The following DNM3 variants were observed in gnomAD, a reference collection of about 807,000 sequenced individuals.
DNM3 encodes dynamin 3.
In DNM3, 47 loss-of-function variants were observed where a neutral mutation model predicts 101.6. The observed-to-expected ratio is 0.46, with a 90% CI of 0.37 to 0.59. The LOEUF is 0.59. Among genes scored for constraint, DNM3 ranks in the 20% least tolerant of loss-of-function variants. The pLI is 0.00. For missense variants in DNM3, 849 were observed against 1,085.7 expected, an observed-to-expected ratio of 0.78 and a Z score of 3.06; for synonymous variants, 385 against 387.9, an observed-to-expected ratio of 0.99 and a Z score of 0.09.
In DNM3 at chr1:172,118,102, A is replaced by G. The variant is rs142745231; in HGVS notation, c.1546-13073A>G. 7.5e-4 allele frequency among the ~76,000 whole-genome samples: 114 copies of G among 152,312 alleles called. 1 individual carries two copies. Among genetic ancestry groups the G allele is most frequent in the Admixed American group, 2.5e-3 (38 of 15,302 alleles). On this transcript the variant is annotated intron_variant, in intron 13 of 20. Coordinates refer to ENST00000627582, the MANE Select transcript of DNM3 (RefSeq NM_015569.5). Reference sequence around the variant, plus strand: ...CATCCTGCACTGCCAAAATCCACAGAACAATCAAAGGTGAGGAAGGAAGGT... The same window carrying G: ...CATCCTGCACTGCCAAAATCCACAGGACAATCAAAGGTGAGGAAGGAAGGT...
At chr1:172,186,584 C>T (rs2059533719) in intron 14 of DNM3, among the ~76,000 whole-genome samples, 2 of 152,034 alleles carry the variant, frequency 1.3e-5, no homozygotes, top group Admixed American at 6.6e-5. Flanking sequence ...GGTCCAGAAT[C>T]CAGGCATCTG....
At chr1:172,164,813 G>T (rs958202830) in intron 14 of DNM3, among the ~76,000 whole-genome samples, 4 of 152,146 alleles carry the variant, frequency 2.6e-5, no homozygotes, top group African/African-American at 9.6e-5. Context: ...TATGAGGAAG[G>T]TAGTGGGAGT....
At chr1:172,330,645 G>A (rs954697929) in intron 17 of DNM3, among the ~76,000 whole-genome samples, 2 of 152,048 alleles carry the variant, frequency 1.3e-5, no homozygotes, top group Admixed American at 1.3e-4. Context: ...TCATTTTTAT[G>A]TGATAACCAT....
chr1:172,262,813 CT>C (rs976170809), intron 15 of DNM3, among the ~76,000 whole-genome samples: 3 of 152,050 alleles, frequency 2.0e-5, no homozygotes, highest in African/African-American at 4.8e-5. Context: ...AGTGGATAGA[CT>C]TTTTTTAGTC....
chr1:172,332,580 A>T (rs1033453555), intron 17 of DNM3, among the ~76,000 whole-genome samples: 3 of 152,140 alleles, frequency 2.0e-5, no homozygotes, highest in African/African-American at 7.2e-5. Context: ...AAGTGCTAGG[A>T]TTATAGGCAT....
rs12037133 is a variant in DNM3 at position 171,980,859 on chromosome 1, G to C, written c.236-6797G>C. Among the ~76,000 whole-genome samples, 1,442 of 149,890 alleles carry C rather than the reference G, an allele frequency of 9.6e-3. 22 individuals are homozygous for C. The highest frequency in any genetic ancestry group is 0.033 in the African/African-American group (1,357 of 40,514). ...GATCTAGGCTCACTGCAACCTCCAC[G>C]TCTCAGATTCAGGTGATTCTCCTGC... On this transcript the variant is annotated intron_variant, in intron 2 of 20. Coordinates refer to ENST00000627582, the MANE Select transcript of DNM3 (RefSeq NM_015569.5).
intron 14 of DNM3, among the ~76,000 whole-genome samples, chr1:172,240,213 G>T (rs557003109): frequency 1.3e-5 from 2 of 152,096 alleles, no homozygotes; most frequent in African/African-American, 4.8e-5. Context: ...ACCTACAACA[G>T]TTCAACAGTC....
chr1:172,030,316 C>T (rs1449853087), intron 4 of DNM3, among the ~76,000 whole-genome samples: 2 of 152,138 alleles, frequency 1.3e-5, no homozygotes, highest in Non-Finnish European at 2.9e-5. Context: ...AAAGGATTTC[C>T]TATTTAATAA....
chr1:172,312,051 T>C (rs757923765), intron 16 of DNM3, among the ~76,000 whole-genome samples: 1 of 152,240 alleles, frequency 6.6e-6, no homozygotes, highest in Non-Finnish European at 1.5e-5. Flanking sequence ...TGAAATTAAC[T>C]AGAATGCTTA....
intron 13 of DNM3, among the ~76,000 whole-genome samples, chr1:172,105,692 GAA>G (rs1285598726): frequency 2.0e-5 from 3 of 152,102 alleles, no homozygotes; most frequent in African/African-American, 7.2e-5. Context: ...AATATGAGAT[GAA>G]GTCTCATTTT....
chr1:172,012,446 G>A (rs1262883950), intron 4 of DNM3, among the ~76,000 whole-genome samples: 1 of 152,026 alleles, frequency 6.6e-6, no homozygotes, highest in Non-Finnish European at 1.5e-5. Context: ...TAACTTAGCT[G>A]TGTGCCAAAG....
chr1:172,040,478 G>GT (rs558341428), intron 7 of DNM3, among the ~76,000 whole-genome samples: 2,618 of 145,516 alleles, frequency 0.018, 64 homozygotes, highest in African/African-American at 0.059. Context: ...AAAATAGTTG[G>GT]TTTTTTTTTT....
rs537982619 is a variant in DNM3, at chr1:172,033,365, C to G, written c.849+100C>G. On this transcript the variant is annotated intron_variant, in intron 6 of 20. Transcript: ENST00000627582. ...TTTAAGTTTATTTTTTTTTCCAAAACAAGACATGCAGCTTCAATGATAGGG... is the reference window on the plus strand; with the variant it reads ...TTTAAGTTTATTTTTTTTTCCAAAAGAAGACATGCAGCTTCAATGATAGGG... 155 of 1,266,414 alleles carry G rather than the reference C, an allele frequency of 1.2e-4. 3 individuals are homozygous for G. In the South Asian group the frequency reaches 2.6e-3, roughly 21 times the overall value. The allele number at this position is 1,266,414 out of a possible 1,614,324, so 78.4% of individuals were successfully genotyped here.
chr1:172,038,143 G>A (rs187986602), intron 6 of DNM3, among the ~76,000 whole-genome samples, 176 bp from the exon 7 acceptor site: 172 of 152,288 alleles, frequency 1.1e-3, no homozygotes, highest in African/African-American at 3.8e-3. Context: ...GTGGAGGAGG[G>A]AGTTGGTGTT....
intron 17 of DNM3, among the ~76,000 whole-genome samples, chr1:172,360,026 A>G (rs1437680240): frequency 2.0e-5 from 3 of 152,036 alleles, no homozygotes; most frequent in African/African-American, 4.8e-5. Context: ...TTAGTCTACT[A>G]TTTAGTCTAC....
chr1:172,031,602 A>G (rs2048614948), intron 4 of DNM3, among the ~76,000 whole-genome samples: 1 of 152,196 alleles, frequency 6.6e-6, no homozygotes, highest in African/African-American at 2.4e-5. Flanking sequence ...CTAGGCAAAT[A>G]CTGTCCATTT....
chr1:172,395,694 C>G lies in DNM3; in HGVS notation c.2522+6885C>G, dbSNP rs1573732876. ...CTCAAAGGGAGAATTTTAAAACACT[C>G]GACATTGAAATCCTTTAGCTTACCA... On this transcript the variant is annotated intron_variant, in intron 20 of 20. Transcript: ENST00000627582. Among the ~76,000 whole-genome samples the G allele has an allele frequency of 4.6e-5, 7 of 152,174 alleles. 1 individual carries two copies. In the South Asian group the frequency reaches 1.5e-3, roughly 32 times the overall value.
chr1:172,269,777 T>C (rs1430268609), intron 15 of DNM3, among the ~76,000 whole-genome samples: 2 of 152,178 alleles, frequency 1.3e-5, no homozygotes, highest in Non-Finnish European at 2.9e-5. Context: ...TTTTGTGAAT[T>C]TGTGATAGCG....
intron 2 of DNM3, among the ~76,000 whole-genome samples, chr1:171,986,565 T>C (rs141385524): frequency 8.0e-4 from 122 of 152,186 alleles, no homozygotes; most frequent in Middle Eastern, 3.4e-3. Flanking sequence ...CATTTCATCT[T>C]CAAGAGTGAA....
Sources: allele counts gnomAD v4.1 joint callset (sites outside exome capture counted in the v4.1 genomes callset), GRCh38; gene constraint gnomAD v4.1.1; transcripts MANE v1.5; gene names NCBI Gene and HGNC (gene_info 2026-07-23, HGNC 2026-07-21).